The following DPP6 variants were observed in gnomAD, a reference collection of about 807,000 sequenced individuals.
DPP6 encodes dipeptidyl peptidase like 6, also known as A-type potassium channel modulatory protein DPP6.
DPP6 carries 69 observed loss-of-function variants against 122.6 expected under a neutral mutation model. The observed-to-expected ratio is 0.56, with a 90% CI of 0.46 to 0.69. The LOEUF is 0.69. Among genes scored for constraint, DPP6 ranks in the 30% least tolerant of loss-of-function variants. The pLI is 0.00. For synonymous variants in DPP6, 418 were observed against 433.1 expected (o/e 0.97, Z 0.43); for missense variants, 928 against 1,116.9 (o/e 0.83, Z 2.41).
chr7:154,443,495 G>A (rs1278423717), intron 1 of DPP6, among the ~76,000 whole-genome samples: 1 of 97,982 alleles, frequency 1.0e-5, no homozygotes, highest in African/African-American at 6.9e-5. Flanking sequence ...GATGGATGTG[G>A]ATTGACAGAT....
chr7:154,007,434 T>A (rs1271291969), intron 1 of DPP6, among the ~76,000 whole-genome samples: 5 of 152,120 alleles, frequency 3.3e-5, no homozygotes, highest in African/African-American at 7.2e-5. Context: ...GCTTGGTCAT[T>A]CAGGAAAACT....
chr7:153,799,737 G>T, the DPP6 span, among the ~76,000 whole-genome samples: 1 of 152,118 alleles, frequency 6.6e-6, no homozygotes, highest in African/African-American at 2.4e-5. Context: ...ATAATAAAAT[G>T]TGTTTACACT....
chr7:153,894,416 A>G (rs1177662046), intron 1 of DPP6, among the ~76,000 whole-genome samples: 1 of 152,164 alleles, frequency 6.6e-6, no homozygotes, highest in African/African-American at 2.4e-5. Flanking sequence ...CTAAGCTCAG[A>G]ACAGACAGGC....
intron 7 of DPP6, among the ~76,000 whole-genome samples, chr7:154,719,117 TC>T (rs1841660612): frequency 6.6e-6 from 1 of 150,752 alleles, no homozygotes; most frequent in Admixed American, 6.6e-5. Flanking sequence ...GGTAGCCTTC[TC>T]CCATCGCTTA....
At chr7:154,253,168 G>A (rs1275545487) in intron 1 of DPP6, among the ~76,000 whole-genome samples, 3 of 152,174 alleles carry the variant, frequency 2.0e-5, no homozygotes, top group Admixed American at 6.5e-5. Flanking sequence ...CAAGAAAAAA[G>A]GCAACAGTCT....
intron 1 of DPP6, among the ~76,000 whole-genome samples, chr7:154,420,452 G>C (rs1817375684): frequency 6.6e-6 from 1 of 152,216 alleles, no homozygotes; most frequent in African/African-American, 2.4e-5. Flanking sequence ...GGTATCTAAA[G>C]TAGTCAGACT....
At chr7:154,557,311 C>T (rs1226407524) in intron 4 of DPP6, among the ~76,000 whole-genome samples, 1 of 152,142 alleles carries the variant, frequency 6.6e-6, no homozygotes, top group Non-Finnish European at 1.5e-5. Flanking sequence ...CTCACTGTCT[C>T]CGGCAGCATC....
chr7:154,350,928 T>C (rs1406090952), intron 1 of DPP6, among the ~76,000 whole-genome samples: 1 of 152,064 alleles, frequency 6.6e-6, no homozygotes, highest in Non-Finnish European at 1.5e-5. Flanking sequence ...GATGTAGAAA[T>C]TGCACTCCTG....
intron 1 of DPP6, among the ~76,000 whole-genome samples, chr7:153,980,165 G>A (rs538668061): frequency 2.6e-5 from 4 of 152,072 alleles, no homozygotes; most frequent in East Asian, 1.9e-4. Context: ...CTGTGAATCC[G>A]TCTGGTCCTG....
At chr7:154,585,090 CT>C in intron 5 of DPP6, among the ~76,000 whole-genome samples, 1 of 147,356 alleles carries the variant, frequency 6.8e-6, no homozygotes, top group East Asian at 2.0e-4. Context: ...CCCTCCACCC[CT>C]AGTCCCTGGC....
the DPP6 span, among the ~76,000 whole-genome samples, chr7:153,840,273 C>A: frequency 6.6e-6 from 1 of 152,122 alleles, no homozygotes; most frequent in African/African-American, 2.4e-5. Flanking sequence ...TGTGCAGCAA[C>A]TCTCAGTCCA....
At chr7:154,360,669 G>A (rs532974121) in intron 1 of DPP6, among the ~76,000 whole-genome samples, 3 of 152,166 alleles carry the variant, frequency 2.0e-5, no homozygotes, top group Admixed American at 1.3e-4. Context: ...TTAGAAAGGC[G>A]TAACAATGAG....
intron 1 of DPP6, among the ~76,000 whole-genome samples, chr7:154,142,173 C>T (rs1352113978): frequency 1.3e-5 from 2 of 151,570 alleles, no homozygotes; most frequent in East Asian, 1.9e-4. Flanking sequence ...TCCACACATA[C>T]TCAGTTAAGT....
At chr7:154,737,304 C>A (rs1041803709) in intron 8 of DPP6, among the ~76,000 whole-genome samples, 9 of 152,134 alleles carry the variant, frequency 5.9e-5, no homozygotes, top group Admixed American at 4.6e-4. Flanking sequence ...AATCAGATAC[C>A]AGAGTCTGAG....
chr7:154,526,648 T>G (rs1296986108), intron 3 of DPP6, among the ~76,000 whole-genome samples: 1 of 152,220 alleles, frequency 6.6e-6, no homozygotes, highest in Non-Finnish European at 1.5e-5. Flanking sequence ...ATGGTCCAAC[T>G]AAAATATTTG....
chr7:154,115,294 C>G (rs1006230710), intron 1 of DPP6, among the ~76,000 whole-genome samples: 1 of 152,184 alleles, frequency 6.6e-6, no homozygotes, highest in African/African-American at 2.4e-5. Flanking sequence ...AAGGCATTGA[C>G]CAGTCTGAGT....
intron 1 of DPP6, among the ~76,000 whole-genome samples, chr7:154,190,672 G>A (rs1322402635): frequency 6.6e-6 from 1 of 152,122 alleles, no homozygotes; most frequent in Non-Finnish European, 1.5e-5. Flanking sequence ...TTACGCAGAT[G>A]GATGGGTCTT....
chr7:154,654,800 C>G (rs1837135065), intron 6 of DPP6, among the ~76,000 whole-genome samples: 1 of 152,058 alleles, frequency 6.6e-6, no homozygotes, highest in African/African-American at 2.4e-5. Flanking sequence ...AATATGTGCT[C>G]AAATATTGGC....
At chr7:154,313,712 TATACAC>T (rs1397983184) in intron 1 of DPP6, among the ~76,000 whole-genome samples, 2 of 24,926 alleles carry the variant, frequency 8.0e-5, no homozygotes, top group African/African-American at 2.1e-4. Flanking sequence ...TATATATATA[TATACAC>T]ACACACGCAC....
Sources: allele counts gnomAD v4.1 joint callset (sites outside exome capture counted in the v4.1 genomes callset), GRCh38; gene constraint gnomAD v4.1.1; transcripts MANE v1.5; gene names NCBI Gene and HGNC (gene_info 2026-07-23, HGNC 2026-07-21).